The following C11orf24 variants were observed in gnomAD, a reference collection of about 807,000 sequenced individuals.
C11orf24 encodes the protein chromosome 11 open reading frame 24.
A neutral mutation model predicts 7.3 loss-of-function variants in C11orf24; 5 were observed. The observed-to-expected ratio is 0.69, with a 90% CI of 0.36 to 1.45. The LOEUF (loss-of-function observed/expected upper bound fraction) is 1.45. Among genes scored for constraint, C11orf24 ranks in the 40% most tolerant of loss-of-function variants. The pLI is 0.03. For synonymous variants in C11orf24, 233 were observed against 235.7 expected, an observed-to-expected ratio of 0.99 and a Z score of 0.11; for missense variants, 566 against 590.5, an observed-to-expected ratio of 0.96 and a Z score of 0.43.
Position 68,261,701 on chromosome 11 carries a change from C to A in C11orf24, c.1294G>T (p.Asp432Tyr). ...LQAYESYKKKDYTQVDYLING... is the reference protein window; with the variant it reads ...LQAYESYKKKYYTQVDYLING... ...ATTAAGTAGTCCACCTGGGTGTAGT[C>A]CTTCTTCTTGTAGCTCTCATAGGCC... The change falls in exon 4 of 4, where the codon GAC becomes TAC. Residue 432 changes from aspartate to tyrosine, a missense_variant. Coordinates refer to ENST00000304271, the MANE Select transcript of C11orf24 (RefSeq NM_022338.4). 6.2e-7 allele frequency: 1 copy of A among 1,614,126 alleles called. No homozygotes were observed. The highest frequency in any genetic ancestry group is 8.5e-7 in the Non-Finnish European group (1 of 1,179,984).
At chr11:68,263,635 A>G in intron 3 of C11orf24, 57 bp downstream of exon 3, 1 of 1,518,658 alleles carries the variant, frequency 6.6e-7, no homozygotes, top group Admixed American at 1.7e-5. Flanking sequence ...TCAAGGGCTC[A>G]GCATGCTTTG....
In C11orf24 at chr11:68,265,496, C is replaced by T. The variant is rs147632468; in HGVS notation, c.-99-1630G>A. 4.6e-5 allele frequency among the ~76,000 whole-genome samples: 7 copies of T among 152,290 alleles called. No individual in the cohort carries two copies. In the East Asian group the frequency reaches 9.7e-4, roughly 21 times the overall value. On this transcript the variant is annotated intron_variant, in intron 2 of 3. Coordinates refer to ENST00000304271, the MANE Select transcript of C11orf24 (RefSeq NM_022338.4). Reference sequence around the variant, plus strand: ...ATGCTCCACAGAAGTGATGTGGACGCCTTAACACATTTTTATTTTTTTGAG... The same window carrying T: ...ATGCTCCACAGAAGTGATGTGGACGTCTTAACACATTTTTATTTTTTTGAG...
intron 3 of C11orf24, 134 bp from the exon 4 acceptor site, chr11:68,263,052 T>A: frequency 1.5e-6 from 1 of 673,332 alleles, no homozygotes; most frequent in Non-Finnish European, 2.5e-6. Context: ...GGAGGTGATG[T>A]GCGAACATGC....
chr11:68,264,539 C>T (rs907701003), intron 2 of C11orf24, among the ~76,000 whole-genome samples: 8 of 6,900 alleles, frequency 1.2e-3, no homozygotes, highest in African/African-American at 1.7e-3. Context: ...TCCATCCATC[C>T]ATCCATCCAT....
At position 68,262,369 on chromosome 11, in the gene C11orf24, G is replaced by A. The variant is rs1346911341; in HGVS notation, c.626C>T (p.Thr209Ile). 6 of 1,614,068 alleles carry A rather than the reference G, an allele frequency of 3.7e-6. No homozygotes were observed. The African/African-American group carries it at 4.0e-5, about 11-fold the overall frequency. ...SALPRTATLATLATRAQTVAT... is the reference protein window; with the variant it reads ...SALPRTATLAILATRAQTVAT... ...TACAGTCTGAGCACGTGTGGCCAAT[G>A]TGGCCAGGGTTGCTGTTCTTGGCAA... Residue 209 changes from threonine to isoleucine, a missense_variant, in exon 4 of 4, where the codon ACA becomes ATA. Transcript: ENST00000304271.
chr11:68,263,595 C>G, intron 3 of C11orf24, 97 bp downstream of exon 3: 1 of 1,143,176 alleles, frequency 8.7e-7, no homozygotes, highest in Admixed American at 2.0e-5. Flanking sequence ...CGGTTCCTGA[C>G]GCGTTGGCCT....
rs753402773 is a variant in C11orf24, at chr11:68,262,594, G to A, written c.401C>T (p.Thr134Met). 6.3e-5 allele frequency: 102 copies of A among 1,613,694 alleles called. No homozygotes were observed. The highest frequency in any genetic ancestry group is 7.5e-5 in the Non-Finnish European group (89 of 1,179,946). ...CACAGTTGTACTGGAGGCTGCAGTC[G>A]TGGGAGCACTGGAGGCCACAGTCAT... ...SSMTVASSAPTTAASSTTVAS... is the reference protein window; with the variant it reads ...SSMTVASSAPMTAASSTTVAS... Residue 134 changes from threonine to methionine, a missense_variant, in exon 4 of 4, where the codon ACG (threonine) becomes ATG (methionine). By Grantham distance (81) the Thr-to-Met change is moderately conservative. Transcript: ENST00000304271.
Position 68,261,791 on chromosome 11 carries a change from GGA to G in C11orf24, c.1202_1203del (p.Leu401ProfsTer25), listed in dbSNP as rs752466367. The G allele has an allele frequency of 1.9e-6, 3 of 1,614,092 alleles. No individual in the cohort carries two copies. Among genetic ancestry groups the G allele is most frequent in the African/African-American group, 1.3e-5 (1 of 74,934 alleles). Reference sequence around the variant, plus strand: ...ACCCCGAGTAACAGCACCACCAGAAGGAGAGTTTTGTCTACCACGGCCTGGGT... The same window carrying G: ...ACCCCGAGTAACAGCACCACCAGAAGGAGTTTTGTCTACCACGGCCTGGGT... Reference protein sequence around the residue: ...PLTQAVVDKTLLLVVLLLGVT... With the variant: ...PLTQAVVDKTXLLVVLLLGVT... On this transcript the variant is annotated frameshift_variant, in exon 4 of 4. Coordinates refer to ENST00000304271, the MANE Select transcript of C11orf24 (RefSeq NM_022338.4). LOFTEE classifies it high-confidence loss of function.
At chr11:68,263,054 C>T (rs929862067) in intron 3 of C11orf24, 136 bp from the exon 4 acceptor site, 8 of 668,342 alleles carry the variant, frequency 1.2e-5, no homozygotes, top group African/African-American at 9.1e-5. Context: ...AGGTGATGTG[C>T]GAACATGCTT....
At position 68,262,786 on chromosome 11, in the gene C11orf24, G is replaced by A. The variant is rs762505603; in HGVS notation, c.209C>T (p.Ser70Leu). 29 of 1,614,012 alleles carry A rather than the reference G, an allele frequency of 1.8e-5. No individual in the cohort carries two copies. Among genetic ancestry groups the A allele is most frequent in the African/African-American group, 1.7e-4 (13 of 74,916 alleles). The change falls in exon 4 of 4, where the codon TCG (serine) becomes TTG (leucine). Residue 70 changes from serine to leucine, a missense_variant. Transcript: ENST00000304271. ...TTCCATAGAGTTGAGGTGGGCTGCC[G>A]AAGTCCCTTTGGTCAATGTGACAGG... is the stretch of plus-strand genomic sequence containing the variant. ...ASPVTLTKGT[S>L]AAHLNSMEVT... is the part of the protein sequence containing the mutation.
In C11orf24 at chr11:68,262,419, G is replaced by A. The variant is rs78911714; in HGVS notation, c.576C>T (p.Leu192=). The A allele has an allele frequency of 4.9e-3, 7,908 of 1,614,184 alleles. 172 individuals are homozygous for A. In the East Asian group the frequency reaches 0.057, roughly 12 times the overall value. The change falls in exon 4 of 4, where the codon CTC becomes CTT. Residue 192 remains leucine (L), a synonymous_variant. Transcript: ENST00000304271. The part of the protein sequence containing the change: ...ATGHPSLSTA[L]AQVPKSSALP... The stretch of plus-strand genomic sequence containing the variant: ...ACGCGCTGCTCTTTGGCACTTGTGC[G>A]AGGGCTGTGCTGAGAGATGGATGCC...
rs2098561994 is a variant in C11orf24, at chr11:68,262,013, G to A, written c.982C>T (p.Pro328Ser). The A allele has an allele frequency of 1.9e-6, 3 of 1,614,100 alleles. No homozygotes were observed. The highest frequency in any genetic ancestry group is 1.7e-6 in the Non-Finnish European group (2 of 1,180,036). Residue 328 changes from proline (P) to serine (S), a missense_variant, in exon 4 of 4, where the codon CCC becomes TCC. Coordinates refer to ENST00000304271, the MANE Select transcript of C11orf24 (RefSeq NM_022338.4). Reference sequence around the variant, plus strand: ...GCGGCCCTCTGGGTATATGGCATGGGGCTTGGCTGTGTCGTGGGGGACATG... The same window carrying A: ...GCGGCCCTCTGGGTATATGGCATGGAGCTTGGCTGTGTCGTGGGGGACATG... ...EAMSPTTQPS[P>S]MPYTQRAAGP... is the part of the protein sequence containing the mutation.
At chr11:68,265,736 C>A (rs556195512) in intron 2 of C11orf24, among the ~76,000 whole-genome samples, 1 of 152,308 alleles carries the variant, frequency 6.6e-6, no homozygotes, top group Admixed American at 6.5e-5. Flanking sequence ...AATCTTCCCA[C>A]CTTGGCCTCC....
chr11:68,264,982 C>T (rs1452701102), intron 2 of C11orf24, among the ~76,000 whole-genome samples: 1 of 151,722 alleles, frequency 6.6e-6, no homozygotes, highest in African/African-American at 2.4e-5. Flanking sequence ...GGTGGCTGGG[C>T]CCCAGAGGAC....
chr11:68,263,863 G>A lies in C11orf24; in HGVS notation c.-96C>T, dbSNP rs2098563227. 9.3e-7 allele frequency: 1 copy of A among 1,071,122 alleles called. No homozygotes were observed. 66.4% of individuals were successfully genotyped at this position (1,071,122 alleles called of 1,614,324 possible). A position where few individuals can be genotyped will look rare whatever the true frequency, so the allele number is the denominator to read the frequency against. On this transcript the variant is annotated 5_prime_UTR_variant, in exon 3 of 4. Coordinates refer to ENST00000304271, the MANE Select transcript of C11orf24 (RefSeq NM_022338.4). ...AATGGTTCCCTCCTGCTTGGCCAAG[G>A]GATCTGTGGTCAAGAAAGCACGCTG...
intron 1 of C11orf24, among the ~76,000 whole-genome samples, chr11:68,268,711 A>C (rs1048036929): frequency 1.3e-5 from 2 of 152,178 alleles, no homozygotes; most frequent in Non-Finnish European, 2.9e-5. Context: ...AAAACAAAAA[A>C]CAACAACGAC....
intron 1 of C11orf24, among the ~76,000 whole-genome samples, chr11:68,271,400 G>C (rs114081390): frequency 6.6e-6 from 1 of 152,172 alleles, no homozygotes; most frequent in Non-Finnish European, 1.5e-5. Flanking sequence ...CAGGTAGAGA[G>C]AGGGTCTGGG....
chr11:68,264,921 G>C (rs945214512), intron 2 of C11orf24, among the ~76,000 whole-genome samples: 1 of 151,792 alleles, frequency 6.6e-6, no homozygotes, highest in Non-Finnish European at 1.5e-5. Flanking sequence ...ACAGTATGCG[G>C]GCAGGCCTTG....
Position 68,262,143 on chromosome 11 carries a change from G to A in C11orf24, c.852C>T (p.Pro284=), listed in dbSNP as rs146138462. Residue 284 remains proline (P), a synonymous_variant, in exon 4 of 4, where the codon CCC becomes CCT. Coordinates refer to ENST00000304271, the MANE Select transcript of C11orf24 (RefSeq NM_022338.4). ...TPMPSNTTPE[P]APTPTVVTTT... Reference sequence around the variant, plus strand: ...TGGTCACCACTGTGGGGGTGGGGGCGGGCTCTGGGGTTGTGTTTGAGGGCA... The same window carrying A: ...TGGTCACCACTGTGGGGGTGGGGGCAGGCTCTGGGGTTGTGTTTGAGGGCA... 106 of 1,614,010 alleles carry A rather than the reference G, an allele frequency of 6.6e-5. 1 individual carries two copies. The East Asian group carries it at 1.4e-3, about 22-fold the overall frequency.
Sources: gnomAD v4.1 joint callset for allele counts (sites outside exome capture counted in the v4.1 genomes callset) on GRCh38, gnomAD v4.1.1 for gene constraint, MANE v1.5 for transcripts, NCBI Gene and HGNC (gene_info 2026-07-23, HGNC 2026-07-21) for gene names.